Variants in STARD10 observed in about 807,000 individuals in gnomAD.
STARD10 encodes StAR related lipid transfer domain containing 10, also known as START domain-containing protein 10.
In STARD10, 24 loss-of-function variants were observed where a neutral mutation model predicts 36.0. The ratio of observed to expected loss-of-function variants is 0.67; its 90% CI spans 0.48 to 0.94. The LOEUF is 0.94. Ranked by LOEUF, STARD10 falls within the 40% of genes least tolerant of loss-of-function variation. The pLI is 0.00. For missense variants in STARD10, 335 were observed against 396.6 expected, an observed-to-expected ratio of 0.84 and a Z score of 1.32; for synonymous variants, 156 against 161.9, an observed-to-expected ratio of 0.96 and a Z score of 0.28.
chr11:72,755,312 T>TTTTTTTTTTTG, intron 6 of STARD10, 170 bp from the exon 7 acceptor site: 1 of 695,928 alleles, frequency 1.4e-6, no homozygotes, highest in African/African-American at 3.1e-5. Flanking sequence ...CATTCTTTTT[T>TTTTTTTTTTTG]TTTTTTTTTT....
At chr11:72,786,931 C>G (rs144583877) in intron 1 of STARD10, among the ~76,000 whole-genome samples, 16 of 151,844 alleles carry the variant, frequency 1.1e-4, no homozygotes, top group Non-Finnish European at 2.2e-4. Flanking sequence ...AAATGTAAAA[C>G]TTAGCTGGGC....
chr11:72,784,909 C>T (rs946678476), intron 1 of STARD10, among the ~76,000 whole-genome samples: 3 of 152,218 alleles, frequency 2.0e-5, no homozygotes, highest in Admixed American at 6.5e-5. Context: ...GGATCTCACA[C>T]GTGCCCCTCG....
At chr11:72,769,399 C>G (rs1858829943) in intron 2 of STARD10, among the ~76,000 whole-genome samples, 1 of 152,128 alleles carries the variant, frequency 6.6e-6, no homozygotes. Flanking sequence ...CTTTTTAAAT[C>G]ATAAGAATGA....
rs35049596 is a variant in STARD10, at chr11:72,760,819, A to AT, written c.208-1439dup. On this transcript the variant is annotated intron_variant, in intron 2 of 6. Transcript: ENST00000334805. Reference sequence around the variant, plus strand: ...TGAAACTCAATATCCTTGTTCTGTGATTTTTTTTTTTTTTTACCCAAGTGC... The same window carrying AT: ...TGAAACTCAATATCCTTGTTCTGTGATTTTTTTTTTTTTTTTACCCAAGTGC... 4.1e-3 allele frequency among the ~76,000 whole-genome samples: 592 copies of AT among 146,092 alleles called. 6 individuals carry two copies. Among genetic ancestry groups the AT allele is most frequent in the African/African-American group, 9.1e-3 (364 of 39,832 alleles).
At chr11:72,790,787 G>C (rs777713767) in intron 1 of STARD10, among the ~76,000 whole-genome samples, 2 of 152,222 alleles carry the variant, frequency 1.3e-5, no homozygotes, top group Admixed American at 6.5e-5. Context: ...GTAAACACTC[G>C]AGACATTTCT....
At chr11:72,777,944 G>C (rs968622207) in intron 2 of STARD10, among the ~76,000 whole-genome samples, 4 of 152,188 alleles carry the variant, frequency 2.6e-5, no homozygotes, top group African/African-American at 7.2e-5. Context: ...GGCAGGAGAG[G>C]GGAGGGGGAA....
intron 1 of STARD10, among the ~76,000 whole-genome samples, chr11:72,789,319 G>A (rs1370128717): frequency 6.6e-6 from 1 of 152,196 alleles, no homozygotes; most frequent in African/African-American, 2.4e-5. Flanking sequence ...CGCCAGGTCT[G>A]GCATCTGTCT....
intron 1 of STARD10, among the ~76,000 whole-genome samples, chr11:72,789,413 C>A (rs776867015): frequency 5.3e-5 from 8 of 152,162 alleles, no homozygotes; most frequent in Non-Finnish European, 8.8e-5. Context: ...TAACCTAGAG[C>A]CTGGAGGGTT....
chr11:72,755,152 C>T lies in STARD10; in HGVS notation c.631-10G>A, dbSNP rs766846759. ...ACATCTTCTTCATGGCCTGTGGGCC[C>T]GCCGCCCCGCCGGGTCAGGGGGTGG... On this transcript the variant is annotated splice_polypyrimidine_tract_variant and intron_variant, in intron 6 of 6. Coordinates refer to ENST00000334805, the MANE Select transcript of STARD10 (RefSeq NM_006645.3). 2 of 1,605,718 alleles carry T rather than the reference C, an allele frequency of 1.2e-6. No individual in the cohort carries two copies. The highest frequency in any genetic ancestry group is 8.5e-7 in the Non-Finnish European group (1 of 1,175,270).
chr11:72,786,605 A>C (rs1859076910), intron 1 of STARD10, among the ~76,000 whole-genome samples: 11 of 152,186 alleles, frequency 7.2e-5, no homozygotes, highest in Admixed American at 7.2e-4. Context: ...GCGCAGCCTC[A>C]AAGTCAGTGC....
intron 2 of STARD10, among the ~76,000 whole-genome samples, chr11:72,761,011 C>A (rs1026233630): frequency 6.6e-6 from 1 of 152,258 alleles, no homozygotes; most frequent in African/African-American, 2.4e-5. Flanking sequence ...GTCACACTGT[C>A]TTCCCCCTCA....
chr11:72,793,511 C>T lies in STARD10; in HGVS notation c.-750G>A, dbSNP rs1317857541. ...TCTATGATGCTGGAAATCTGCCTGACTTCCTCTAACCTGTTGTCCCATTTG... is the reference window on the plus strand; with the variant it reads ...TCTATGATGCTGGAAATCTGCCTGATTTCCTCTAACCTGTTGTCCCATTTG... On this transcript the variant is annotated 5_prime_UTR_variant, in exon 1 of 7. Coordinates refer to ENST00000334805, the MANE Select transcript of STARD10 (RefSeq NM_006645.3). 1 of 152,278 alleles carries T rather than the reference C, an allele frequency of 6.6e-6. No individual in the cohort carries two copies. The highest frequency in any genetic ancestry group is 6.5e-5 in the Admixed American group (1 of 15,288). The allele number at this position is 152,278 out of a possible 1,614,324, so 9.4% of individuals were successfully genotyped here. A position where few individuals can be genotyped will look rare whatever the true frequency, so the allele number is the denominator to read the frequency against.
chr11:72,775,882 G>A (rs147964752), intron 2 of STARD10, among the ~76,000 whole-genome samples: 2 of 152,128 alleles, frequency 1.3e-5, no homozygotes, highest in Admixed American at 6.5e-5. Context: ...GCCACACAGC[G>A]AGGACTCTGG....
At chr11:72,771,141 C>G (rs1196789507) in intron 2 of STARD10, among the ~76,000 whole-genome samples, 1 of 152,142 alleles carries the variant, frequency 6.6e-6, no homozygotes, top group Non-Finnish European at 1.5e-5. Flanking sequence ...AGGTTGGAAC[C>G]CCCAGCGTGA....
At chr11:72,755,457 C>T in intron 6 of STARD10, 1 of 577,984 alleles carries the variant, frequency 1.7e-6, no homozygotes, top group South Asian at 1.9e-5. Context: ...ATTACAGGCA[C>T]CCACCATCAC....
At chr11:72,776,556 G>A (rs1475815621) in intron 2 of STARD10, among the ~76,000 whole-genome samples, 6 of 152,102 alleles carry the variant, frequency 3.9e-5, no homozygotes, top group Admixed American at 2.0e-4. Context: ...CAAGGGAGTG[G>A]CGAGATCTCA....
chr11:72,786,094 G>C (rs1565245592), intron 1 of STARD10: 1 of 152,476 alleles, frequency 6.6e-6, no homozygotes, highest in Non-Finnish European at 1.5e-5. Flanking sequence ...GCTCACACCT[G>C]TAATCCCAGC....
At chr11:72,765,273 A>AAAAAGAAAAG (rs796949061) in intron 2 of STARD10, among the ~76,000 whole-genome samples, 163 of 152,294 alleles carry the variant, frequency 1.1e-3, no homozygotes, top group African/African-American at 3.6e-3. Context: ...TCTCAAAAAC[A>AAAAAGAAAAG]AAAAGAAAAG....
At chr11:72,780,710 C>T (rs374675585) in intron 2 of STARD10, 1 of 529,642 alleles carries the variant, frequency 1.9e-6, no homozygotes, top group South Asian at 2.0e-5. Context: ...CAGCCCAGAT[C>T]CCTGGAACAG....
Sources: gnomAD v4.1 joint callset for allele counts (sites outside exome capture counted in the v4.1 genomes callset) on GRCh38, gnomAD v4.1.1 for gene constraint, MANE v1.5 for transcripts, NCBI Gene and HGNC (gene_info 2026-07-23, HGNC 2026-07-21) for gene names.